Variants in SLC17A1 observed in about 807,000 individuals in gnomAD.
SLC17A1 encodes the protein sodium-dependent phosphate transport protein 1.
A neutral mutation model predicts 53.5 loss-of-function variants in SLC17A1; 51 were observed. That is an observed-to-expected ratio of 0.95 (90% CI 0.76 to 1.20). The LOEUF is 1.20. Among genes scored for constraint, SLC17A1 ranks in the 50% most tolerant of loss-of-function variants. The pLI, the probability that SLC17A1 is intolerant of heterozygous loss-of-function variation, is 0.00. For synonymous variants in SLC17A1, 179 were observed against 198.8 expected (o/e 0.90, Z 0.84); for missense variants, 538 against 568.2 (o/e 0.95, Z 0.54).
chr6:25,826,405 TTAGTTAGCAAG>T, intron 3 of SLC17A1, 45 bp downstream of exon 3: 1 of 1,396,106 alleles, frequency 7.2e-7, no homozygotes, highest in South Asian at 1.4e-5. Context: ...TCTACACAAA[TTAGTTAGCAAG>T]ACAGGCTTTT....
the SLC17A1 span, chr6:25,727,163 C>T: frequency 3.1e-6 from 5 of 1,614,212 alleles, no homozygotes; most frequent in Admixed American, 1.7e-5. Flanking sequence ...TGGCTCACTA[C>T]AGCAAGCGCT....
At chr6:25,795,652 T>G (rs894978437) in intron 12 of SLC17A1, among the ~76,000 whole-genome samples, 3 of 152,142 alleles carry the variant, frequency 2.0e-5, no homozygotes, top group South Asian at 2.1e-4. Flanking sequence ...CCCAGCTATA[T>G]GCCCTCTGCA....
chr6:25,817,782 C>T (rs1266026028), intron 6 of SLC17A1, among the ~76,000 whole-genome samples: 1 of 152,176 alleles, frequency 6.6e-6, no homozygotes, highest in Non-Finnish European at 1.5e-5. Context: ...AACAGGTCTG[C>T]ATTTTATTTA....
the SLC17A1 span, chr6:25,731,912 A>G: frequency 1.2e-6 from 2 of 1,602,434 alleles, no homozygotes; most frequent in Non-Finnish European, 1.7e-6. Context: ...AGCGCTTGTC[A>G]TAATGCGCCA....
chr6:25,779,924 T>C (rs1342561613), downstream of SLC17A1: 2 of 152,242 alleles, frequency 1.3e-5, no homozygotes, highest in African/African-American at 4.8e-5. Flanking sequence ...CAGTTCTTCA[T>C]GTAGCACTGC....
chr6:25,726,657 G>C, the SLC17A1 span: 1 of 1,239,674 alleles, frequency 8.1e-7, no homozygotes, highest in Non-Finnish European at 1.1e-6. Flanking sequence ...TCAGAAAGTC[G>C]TACTAGAATC....
chr6:25,797,767 T>C (rs1445593624), intron 12 of SLC17A1, among the ~76,000 whole-genome samples: 3 of 152,074 alleles, frequency 2.0e-5, no homozygotes, highest in Non-Finnish European at 4.4e-5. Context: ...GCCTGGCTAA[T>C]TTTTGTATGT....
chr6:25,791,293 T>A (rs1024148258), intron 12 of SLC17A1, among the ~76,000 whole-genome samples: 2 of 152,178 alleles, frequency 1.3e-5, no homozygotes, highest in African/African-American at 4.8e-5. Flanking sequence ...CCTGGAAGAA[T>A]AAACAGCTGA....
chr6:25,828,538 A>G (rs1028799523), intron 2 of SLC17A1, among the ~76,000 whole-genome samples: 14 of 152,050 alleles, frequency 9.2e-5, no homozygotes, highest in Non-Finnish European at 1.8e-4. Context: ...TTTTATTTTA[A>G]GAATAAACCT....
chr6:25,764,245 CT>C, the SLC17A1 span, among the ~76,000 whole-genome samples: 3 of 152,296 alleles, frequency 2.0e-5, no homozygotes, highest in Middle Eastern at 3.4e-3. Flanking sequence ...AGGATTGTAG[CT>C]TCCAGATATT....
intron 12 of SLC17A1, among the ~76,000 whole-genome samples, chr6:25,784,934 A>C (rs1763348398): frequency 6.6e-6 from 1 of 152,184 alleles, no homozygotes; most frequent in Admixed American, 6.6e-5. Context: ...AAGGGAAATA[A>C]ATAAAAGGAA....
At chr6:25,732,489 T>C in the SLC17A1 span, 1 of 385,764 alleles carries the variant, frequency 2.6e-6, no homozygotes, top group Non-Finnish European at 5.0e-6. Flanking sequence ...GCGCTATTCA[T>C]TCAGAGAGGT....
In SLC17A1 at chr6:25,826,567, G is replaced by C; in HGVS notation, c.101C>G (p.Thr34Arg). The C allele has an allele frequency of 1.2e-6, 2 of 1,611,892 alleles. No individual in the cohort carries two copies. Among genetic ancestry groups the C allele is most frequent in the Non-Finnish European group, 8.5e-7 (1 of 1,178,660 alleles). Residue 34 changes from threonine to arginine, a missense_variant, in exon 3 of 13, where the codon ACA becomes AGA. Transcript: ENST00000244527. ...GAGGTTCAGGCACGCACGCTGTGCT[G>C]TTATTATAACATTACAACAGTGCAC... The part of the protein sequence containing the change: ...FLVHCCNVII[T>R]AQRACLNLTM...
downstream of SLC17A1, chr6:25,778,989 C>G (rs926690628): frequency 6.3e-7 from 1 of 1,590,836 alleles, no homozygotes; most frequent in African/African-American, 1.3e-5. Flanking sequence ...AGAGCCAAAG[C>G]CTTTCTGAAC....
At chr6:25,770,560 A>G in the SLC17A1 span, 4 of 1,169,556 alleles carry the variant, frequency 3.4e-6, no homozygotes, top group African/African-American at 3.0e-5. Flanking sequence ...TTATATATCA[A>G]TCTCTGTGTC....
intron 12 of SLC17A1, among the ~76,000 whole-genome samples, chr6:25,793,732 A>G (rs1389873344): frequency 6.6e-6 from 1 of 152,162 alleles, no homozygotes; most frequent in Non-Finnish European, 1.5e-5. Context: ...ATTTACATAG[A>G]AAAAAATTAC....
At chr6:25,768,978 C>T in the SLC17A1 span, 1 of 1,613,802 alleles carries the variant, frequency 6.2e-7, no homozygotes, top group Non-Finnish European at 8.5e-7. Flanking sequence ...TGCCCTTTTC[C>T]TCTCAGGTTT....
chr6:25,813,252 T>A, intron 6 of SLC17A1, 39 bp from the exon 7 acceptor site: 1 of 1,484,840 alleles, frequency 6.7e-7, no homozygotes, highest in East Asian at 2.3e-5. Flanking sequence ...AAGTCTCTGT[T>A]TGTAGTGGAT....
chr6:25,819,404 C>T, intron 5 of SLC17A1, 107 bp downstream of exon 5: 1 of 934,236 alleles, frequency 1.1e-6, no homozygotes, highest in Non-Finnish European at 1.7e-6. Context: ...CAGATGATTT[C>T]CAAAGCCCTT....
Sources: allele counts gnomAD v4.1 joint callset (sites outside exome capture counted in the v4.1 genomes callset), GRCh38; gene constraint gnomAD v4.1.1; transcripts MANE v1.5; gene names NCBI Gene and HGNC (gene_info 2026-07-23, HGNC 2026-07-21).